The following ARFGEF1 variants were observed in gnomAD, a reference collection of about 807,000 sequenced individuals.
The protein encoded by ARFGEF1 is brefeldin A-inhibited guanine nucleotide-exchange protein 1.
A neutral mutation model predicts 231.0 loss-of-function variants in ARFGEF1; 42 were observed. That is an observed-to-expected ratio of 0.18 (90% CI 0.14 to 0.24). ARFGEF1 has a LOEUF of 0.24. Ranked by LOEUF, ARFGEF1 falls within the 10% of genes least tolerant of loss-of-function variation. ARFGEF1 has a pLI of 1.00. For missense variants in ARFGEF1, 1,345 were observed against 2,192.0 expected (o/e 0.61, Z 7.72); for synonymous variants, 710 against 732.3 (o/e 0.97, Z 0.49).
intron 33 of ARFGEF1, 103 bp from the exon 34 acceptor site, chr8:67,211,718 A>C: frequency 1.6e-6 from 1 of 644,266 alleles, no homozygotes; most frequent in Non-Finnish European, 2.3e-6. Flanking sequence ...TGTCCCTATG[A>C]AAATGATGTT....
intron 37 of ARFGEF1, 47 bp downstream of exon 37, chr8:67,201,420 A>G (rs769275059): frequency 6.4e-7 from 1 of 1,572,902 alleles, no homozygotes; most frequent in Admixed American, 1.9e-5. Context: ...CCTGCCCGGC[A>G]CCACGTGGCT....
chr8:67,264,412 C>T (rs1421721654), intron 14 of ARFGEF1, among the ~76,000 whole-genome samples: 3 of 151,878 alleles, frequency 2.0e-5, no homozygotes, highest in Non-Finnish European at 4.4e-5. Flanking sequence ...AGGATTTTAG[C>T]TTATAAATTT....
intron 29 of ARFGEF1, among the ~76,000 whole-genome samples, chr8:67,222,527 T>A (rs781603533): frequency 7.9e-5 from 12 of 152,088 alleles, no homozygotes; most frequent in Non-Finnish European, 1.3e-4. Flanking sequence ...CTCAGCTCAC[T>A]GCAACCTCTA....
At chr8:67,185,655 G>A (rs1336841654) in intron 5 of ARFGEF1, among the ~76,000 whole-genome samples, 1 of 152,156 alleles carries the variant, frequency 6.6e-6, no homozygotes, top group Admixed American at 6.5e-5. Flanking sequence ...AACTCTTGAA[G>A]TATATCTGGA....
intron 14 of ARFGEF1, among the ~76,000 whole-genome samples, chr8:67,260,735 A>T (rs1804584274): frequency 6.6e-6 from 1 of 152,194 alleles, no homozygotes; most frequent in Non-Finnish European, 1.5e-5. Context: ...AAAAAACTAG[A>T]AATAATTGAG....
intron 5 of ARFGEF1, among the ~76,000 whole-genome samples, chr8:67,184,379 GAGA>G (rs1196760839): frequency 2.6e-5 from 4 of 152,156 alleles, no homozygotes; most frequent in Non-Finnish European, 5.9e-5. Flanking sequence ...AGTTATTTCT[GAGA>G]AGATCAGTAA....
In ARFGEF1 at chr8:67,251,284, C is replaced by T; in HGVS notation, c.2850+15G>A. The T allele has an allele frequency of 6.4e-7, 1 of 1,573,452 alleles. No homozygotes were observed. The highest frequency in any genetic ancestry group is 8.6e-7 in the Non-Finnish European group (1 of 1,163,496). ...AAATGTACACTGCAATCAAACATTACTTGAAAATTCTAACCTTAAACATGG... is the reference window on the plus strand; with the variant it reads ...AAATGTACACTGCAATCAAACATTATTTGAAAATTCTAACCTTAAACATGG... On this transcript the variant is annotated intron_variant, in intron 19 of 38. Coordinates refer to ENST00000262215, the MANE Select transcript of ARFGEF1 (RefSeq NM_006421.5).
chr8:67,277,202 T>C lies in ARFGEF1; in HGVS notation c.1203+80A>G, dbSNP rs919010905. The C allele has an allele frequency of 1.7e-5, 23 of 1,376,760 alleles. No homozygotes were observed. The African/African-American group carries it at 3.4e-4, about 20-fold the overall frequency. The allele number at this position is 1,376,760 out of a possible 1,614,324, so 85.3% of individuals were successfully genotyped here. A position where few individuals can be genotyped will look rare whatever the true frequency, so the allele number is the denominator to read the frequency against. On this transcript the variant is annotated intron_variant, in intron 8 of 38. Transcript: ENST00000262215. ...ATCAGGCAGCATCATCAGCTGAAAATACTCATGACAAGGTGGTGGTAGCCT... is the reference window on the plus strand; with the variant it reads ...ATCAGGCAGCATCATCAGCTGAAAACACTCATGACAAGGTGGTGGTAGCCT...
chr8:67,192,121 G>A (rs1237187592), intron 5 of ARFGEF1, among the ~76,000 whole-genome samples: 1 of 147,236 alleles, frequency 6.8e-6, no homozygotes, highest in African/African-American at 2.5e-5. Context: ...CACCTAGGCT[G>A]GATTGCAGTG....
In ARFGEF1 at chr8:67,281,023, A is replaced by T. The variant is rs142866097; in HGVS notation, c.1028-3566T>A. Among the ~76,000 whole-genome samples the T allele has an allele frequency of 6.7e-3, 913 of 136,288 alleles. 10 individuals carry two copies. The highest frequency in any genetic ancestry group is 0.022 in the African/African-American group (855 of 39,348). 89.4% of individuals were successfully genotyped at this position (136,288 alleles called of 152,430 possible). ...ATAATACACAAGAGCAAAGTGCTATAAAAAAAAAAAAGCTCAGAGAAAAAT... is the reference window on the plus strand; with the variant it reads ...ATAATACACAAGAGCAAAGTGCTATTAAAAAAAAAAAGCTCAGAGAAAAAT... On this transcript the variant is annotated intron_variant, in intron 7 of 38. Transcript: ENST00000262215.
chr8:67,303,155 A>G (rs1405817473), intron 1 of ARFGEF1, among the ~76,000 whole-genome samples: 2 of 152,198 alleles, frequency 1.3e-5, no homozygotes, highest in Non-Finnish European at 2.9e-5. Flanking sequence ...ATGAAGTCAC[A>G]AAATGTACGG....
At chr8:67,274,312 T>C (rs1289319325) in intron 9 of ARFGEF1, among the ~76,000 whole-genome samples, 1 of 149,548 alleles carries the variant, frequency 6.7e-6, no homozygotes, top group Non-Finnish European at 1.5e-5. Flanking sequence ...CTACGAAAGC[T>C]TGACTTTTGG....
chr8:67,288,127 C>T, intron 6 of ARFGEF1, 62 bp from the exon 7 acceptor site: 1 of 1,080,270 alleles, frequency 9.3e-7, no homozygotes, highest in Non-Finnish European at 1.3e-6. Flanking sequence ...TTTTACTAAA[C>T]ATTTATGATG....
intron 1 of ARFGEF1, among the ~76,000 whole-genome samples, chr8:67,335,975 G>C (rs944572188): frequency 6.6e-6 from 1 of 152,058 alleles, no homozygotes; most frequent in South Asian, 2.1e-4. Flanking sequence ...GGTCTCGAAC[G>C]CCTGACCTCA....
At position 67,258,309 on chromosome 8, in the gene ARFGEF1, T is replaced by C. The variant is rs761226561; in HGVS notation, c.2236-19A>G. On this transcript the variant is annotated intron_variant, in intron 15 of 38. Coordinates refer to ENST00000262215, the MANE Select transcript of ARFGEF1 (RefSeq NM_006421.5). ...CTTGAGTCTAAAGTAAAAACAGAGA[T>C]AGAAATTGATATTTTCTTTCTTTTT... 7.6e-5 allele frequency: 112 copies of C among 1,474,402 alleles called. 1 individual carries two copies. In the South Asian group the frequency reaches 1.2e-3, roughly 16 times the overall value. 91.3% of individuals were successfully genotyped at this position (1,474,402 alleles called of 1,614,324 possible).
chr8:67,222,217 A>G (rs6983136), intron 29 of ARFGEF1, among the ~76,000 whole-genome samples: 3 of 124,510 alleles, frequency 2.4e-5, no homozygotes, highest in Non-Finnish European at 4.9e-5. Context: ...ACACACATAT[A>G]TATATATGTA....
intron 1 of ARFGEF1, among the ~76,000 whole-genome samples, chr8:67,319,615 T>C (rs930536814): frequency 2.6e-5 from 4 of 151,528 alleles, no homozygotes; most frequent in African/African-American, 7.3e-5. Flanking sequence ...TCGGAAAACA[T>C]AGGAGAAACT....
chr8:67,334,284 CAA>C (rs35170687), intron 1 of ARFGEF1, among the ~76,000 whole-genome samples: 2,636 of 104,898 alleles, frequency 0.025, 62 homozygotes, highest in African/African-American at 0.074. Context: ...TTCCAAAGTC[CAA>C]AAAAAAAAAA....
At chr8:67,258,320 A>AT (rs769939134) in intron 15 of ARFGEF1, 30 bp from the exon 16 acceptor site, 4 of 1,411,398 alleles carry the variant, frequency 2.8e-6, no homozygotes, top group East Asian at 2.3e-5. Flanking sequence ...AGAAATTGAT[A>AT]TTTTCTTTCT....
Sources: gnomAD v4.1 joint callset for allele counts (sites outside exome capture counted in the v4.1 genomes callset) on GRCh38, gnomAD v4.1.1 for gene constraint, MANE v1.5 for transcripts, NCBI Gene and HGNC (gene_info 2026-07-23, HGNC 2026-07-21) for gene names.